The following ARHGEF33 variants were observed in gnomAD, a reference collection of about 807,000 sequenced individuals.
ARHGEF33 encodes the protein DH and coiled-coil domain-containing protein ENSP00000381780.
Under a neutral mutation model 101.9 loss-of-function variants are expected in ARHGEF33, and 72 were observed. The observed-to-expected ratio is 0.71, with a 90% CI of 0.58 to 0.86. The LOEUF is 0.86. ARHGEF33 is among the 40% of genes least tolerant of loss of function. ARHGEF33 has a pLI of 0.00. For missense variants in ARHGEF33, 1,169 were observed against 1,111.3 expected, an observed-to-expected ratio of 1.05 and a Z score of -0.74; for synonymous variants, 499 against 442.5, an observed-to-expected ratio of 1.13 and a Z score of -1.60.
intron 2 of ARHGEF33, among the ~76,000 whole-genome samples, chr2:38,907,618 A>G (rs757567979): frequency 7.9e-5 from 12 of 152,112 alleles, no homozygotes; most frequent in Non-Finnish European, 1.6e-4. Context: ...AAGTTTTTCC[A>G]TGTTAATGTA....
chr2:38,948,808 C>T (rs1667516644), intron 10 of ARHGEF33, among the ~76,000 whole-genome samples: 2 of 152,194 alleles, frequency 1.3e-5, no homozygotes. Flanking sequence ...CAGCATTTTA[C>T]ACTTTCAGTA....
At chr2:38,960,816 C>T (rs1490577079) in intron 16 of ARHGEF33, among the ~76,000 whole-genome samples, 168 bp downstream of exon 16, 1 of 152,042 alleles carries the variant, frequency 6.6e-6, no homozygotes, top group Non-Finnish European at 1.5e-5. Context: ...GGGGCAGCCC[C>T]CGCGCCCTGC....
In ARHGEF33 at chr2:38,960,552, GGCCGCCGCC is replaced by G. The variant is rs746974243; in HGVS notation, c.2252_2260del (p.Ala751_Ala753del). On this transcript the variant is annotated inframe_deletion, in exon 16 of 18. Coordinates refer to ENST00000409978, the MANE Select transcript of ARHGEF33 (RefSeq NM_001145451.5). ...AGCGCGCCGCGCAGGCGCACGGCCC[GGCCGCCGCC>G]GCCGTCGCCGCCCGCGGCGCATCCA... The G allele has an allele frequency of 2.3e-5, 29 of 1,273,056 alleles. No homozygotes were observed. The highest frequency in any genetic ancestry group is 2.8e-5 in the Non-Finnish European group (28 of 996,556). 78.9% of individuals were successfully genotyped at this position (1,273,056 alleles called of 1,614,324 possible). A position where few individuals can be genotyped will look rare whatever the true frequency, so the allele number is the denominator to read the frequency against.
chr2:38,901,497 C>T (rs1449702867), intron 2 of ARHGEF33, among the ~76,000 whole-genome samples: 2 of 152,182 alleles, frequency 1.3e-5, no homozygotes, highest in Admixed American at 6.5e-5. Context: ...GAGCTCGGTA[C>T]TTCAGACCTT....
At chr2:38,920,919 C>T (rs1666742932) in intron 3 of ARHGEF33, among the ~76,000 whole-genome samples, 1 of 152,134 alleles carries the variant, frequency 6.6e-6, no homozygotes, top group Non-Finnish European at 1.5e-5. Context: ...AGAAGTCTGT[C>T]AAAGATCAGA....
chr2:38,968,522 G>A (rs1456772861), intron 17 of ARHGEF33, among the ~76,000 whole-genome samples: 1 of 152,200 alleles, frequency 6.6e-6, no homozygotes, highest in African/African-American at 2.4e-5. Flanking sequence ...TTGGTATAAT[G>A]TAGAGGACTT....
rs1667899840 is a variant in ARHGEF33, at chr2:38,960,512, C to T, written c.2207C>T (p.Ala736Val). Residue 736 changes from alanine (A) to valine (V), a missense_variant, in exon 16 of 18, where the codon GCG becomes GTG. Transcript: ENST00000409978. ...ACGCGCAGCAGCAGCGGCGGCCGCG[C>T]GCCCATCAAGGCCGAGCGCGCCGCG... is the stretch of plus-strand genomic sequence containing the variant. ...YSTRSSSGGR[A>V]PIKAERAAQA... 4.5e-6 allele frequency: 6 copies of T among 1,343,252 alleles called. No homozygotes were observed. The highest frequency in any genetic ancestry group is 5.7e-6 in the Non-Finnish European group (6 of 1,044,898). 83.2% of individuals were successfully genotyped at this position (1,343,252 alleles called of 1,614,324 possible). A position where few individuals can be genotyped will look rare whatever the true frequency, so the allele number is the denominator to read the frequency against.
At chr2:38,945,172 A>G (rs1352756557) in intron 10 of ARHGEF33, among the ~76,000 whole-genome samples, 1 of 152,186 alleles carries the variant, frequency 6.6e-6, no homozygotes, top group Non-Finnish European at 1.5e-5. Flanking sequence ...TAAACATTCC[A>G]TTGGGTAATA....
At chr2:38,956,117 A>C (rs1157816015) in intron 13 of ARHGEF33, among the ~76,000 whole-genome samples, 3 of 152,140 alleles carry the variant, frequency 2.0e-5, no homozygotes, top group Non-Finnish European at 2.9e-5. Context: ...ATAAGTTAAC[A>C]ATTTACCCAA....
intron 4 of ARHGEF33, among the ~76,000 whole-genome samples, chr2:38,924,436 A>G (rs770198569): frequency 2.6e-5 from 4 of 152,172 alleles, no homozygotes; most frequent in Non-Finnish European, 5.9e-5. Flanking sequence ...CATATAGATT[A>G]TTAAAATTAT....
chr2:38,893,859 C>T (rs975675977), intron 1 of ARHGEF33, among the ~76,000 whole-genome samples: 1 of 152,070 alleles, frequency 6.6e-6, no homozygotes, highest in Admixed American at 6.6e-5. Context: ...ATCTGAAGAG[C>T]TCAAATGAGT....
At chr2:38,944,147 A>T in intron 10 of ARHGEF33, 117 bp downstream of exon 10, 1 of 1,088,028 alleles carries the variant, frequency 9.2e-7, no homozygotes, top group Non-Finnish European at 1.3e-6. Flanking sequence ...ATAGTCTTTG[A>T]AAAGAGAAGA....
chr2:38,949,897 G>A (rs764484214), intron 10 of ARHGEF33, among the ~76,000 whole-genome samples: 41 of 152,240 alleles, frequency 2.7e-4, no homozygotes, highest in African/African-American at 9.4e-4. Flanking sequence ...GAGGCGCTAC[G>A]CACTTTTAAA....
chr2:38,907,037 T>C (rs566567008), intron 2 of ARHGEF33, among the ~76,000 whole-genome samples: 3 of 152,164 alleles, frequency 2.0e-5, no homozygotes, highest in Admixed American at 1.3e-4. Context: ...ATGAAGGGTA[T>C]AAGACATGAG....
intron 2 of ARHGEF33, 68 bp from the exon 3 acceptor site, chr2:38,919,295 G>A (rs968938010): frequency 4.2e-6 from 3 of 712,806 alleles, no homozygotes; most frequent in Middle Eastern, 2.4e-4. Context: ...TTTTACTAAT[G>A]TAAGAAGTAA....
At chr2:38,962,310 A>G (rs1422301240) in intron 16 of ARHGEF33, among the ~76,000 whole-genome samples, 2 of 152,246 alleles carry the variant, frequency 1.3e-5, no homozygotes, top group East Asian at 1.9e-4. Flanking sequence ...TCTAACTAGT[A>G]TAGTCTGTAC....
intron 17 of ARHGEF33, chr2:38,969,490 G>A (rs1156726693): frequency 5.9e-6 from 1 of 169,270 alleles, no homozygotes; most frequent in Non-Finnish European, 1.5e-5. Context: ...CAGAAAACCT[G>A]AGAAAGGGTT....
chr2:38,930,881 G>A (rs1340898315), intron 6 of ARHGEF33, among the ~76,000 whole-genome samples: 1 of 152,204 alleles, frequency 6.6e-6, no homozygotes, highest in Non-Finnish European at 1.5e-5. Flanking sequence ...GTTATAATTA[G>A]AAGGGTGATT....
chr2:38,956,764 G>T, intron 13 of ARHGEF33, 135 bp from the exon 14 acceptor site: 1 of 1,055,544 alleles, frequency 9.5e-7, no homozygotes, highest in Non-Finnish European at 1.3e-6. Flanking sequence ...AATTAGATGG[G>T]GGTCATGTGT....
Sources: allele counts gnomAD v4.1 joint callset (sites outside exome capture counted in the v4.1 genomes callset), GRCh38; gene constraint gnomAD v4.1.1; transcripts MANE v1.5; gene names NCBI Gene and HGNC (gene_info 2026-07-23, HGNC 2026-07-21).